The following LEPR variants were observed in gnomAD, a reference collection of about 807,000 sequenced individuals.
LEPR encodes the protein leptin receptor, also known as OB receptor.
LEPR carries 56 observed loss-of-function variants against 114.7 expected under a neutral mutation model. The ratio of observed to expected loss-of-function variants is 0.49; its 90% confidence interval spans 0.39 to 0.61. The LOEUF (loss-of-function observed/expected upper bound fraction) is 0.61, where lower values mean the gene tolerates loss of function less well. Ranked by LOEUF, LEPR falls within the 20% of genes least tolerant of loss-of-function variation. LEPR has a pLI of 0.00. For missense variants in LEPR, 1,202 were observed against 1,352.9 expected (o/e 0.89, Z 1.75); for synonymous variants, 443 against 461.4 (o/e 0.96, Z 0.51).
intron 2 of LEPR, among the ~76,000 whole-genome samples, chr1:65,490,278 G>A (rs1348339677): frequency 2.6e-5 from 4 of 152,050 alleles, no homozygotes; most frequent in South Asian, 2.1e-4. Context: ...AAAACAGCTT[G>A]CAAAGTAAGA....
intron 2 of LEPR, among the ~76,000 whole-genome samples, chr1:65,488,180 C>CTT (rs1166477256): frequency 1.8e-4 from 3 of 16,592 alleles, no homozygotes. Context: ...TTCTTTCTTT[C>CTT]TTTCTTTCTT....
chr1:65,428,026 T>G (rs1411549759), intron 2 of LEPR: 1 of 155,238 alleles, frequency 6.4e-6, no homozygotes, highest in Non-Finnish European at 1.4e-5. Context: ...CTCATTTGTT[T>G]ATGAATTATC....
chr1:65,483,390 A>G (rs2100459749), intron 2 of LEPR, among the ~76,000 whole-genome samples: 1 of 152,292 alleles, frequency 6.6e-6, no homozygotes, highest in Middle Eastern at 3.4e-3. Context: ...ACCTGATATT[A>G]CAAAAAACTG....
intron 2 of LEPR, among the ~76,000 whole-genome samples, chr1:65,497,973 G>A (rs929697352): frequency 7.2e-5 from 11 of 152,170 alleles, no homozygotes; most frequent in Non-Finnish European, 1.2e-4. Context: ...GCAAGACCTT[G>A]CTTGACATCT....
chr1:65,588,033 C>T (rs908837765), intron 5 of LEPR, among the ~76,000 whole-genome samples: 8 of 151,976 alleles, frequency 5.3e-5, no homozygotes, highest in African/African-American at 1.9e-4. Context: ...CTTTGAAAAA[C>T]AGTGTGGTTT....
At chr1:65,598,623 A>C in intron 7 of LEPR, 37 bp from the exon 8 acceptor site, 1 of 1,610,954 alleles carries the variant, frequency 6.2e-7, no homozygotes, top group Non-Finnish European at 8.5e-7. Flanking sequence ...TTCCACATCA[A>C]CTTGATGTTC....
chr1:65,484,479 G>A (rs1329453636), intron 2 of LEPR, among the ~76,000 whole-genome samples: 1 of 151,938 alleles, frequency 6.6e-6, no homozygotes, highest in Non-Finnish European at 1.5e-5. Context: ...CACGTCCAAG[G>A]TTTTCCTACA....
chr1:65,607,484 G>T (rs1382372429), intron 11 of LEPR, among the ~76,000 whole-genome samples: 1 of 152,218 alleles, frequency 6.6e-6, no homozygotes, highest in Non-Finnish European at 1.5e-5. Context: ...TATTCCTCAG[G>T]AGAGCACCTC....
intron 5 of LEPR, among the ~76,000 whole-genome samples, chr1:65,579,904 A>C (rs1429727216): frequency 1.3e-5 from 2 of 152,222 alleles, no homozygotes; most frequent in African/African-American, 4.8e-5. Flanking sequence ...TCAGCCAAAC[A>C]GTCATTGGTC....
chr1:65,587,288 A>G (rs1655374390), intron 5 of LEPR, among the ~76,000 whole-genome samples: 1 of 152,058 alleles, frequency 6.6e-6, no homozygotes, highest in Admixed American at 6.6e-5. Context: ...TTGTTCACAG[A>G]CTTTTTGTAA....
rs555831088 is a variant in LEPR, at chr1:65,445,914, A to G, written c.-21+20536A>G. On this transcript the variant is annotated intron_variant, in intron 2 of 19. Coordinates refer to ENST00000349533, the MANE Select transcript of LEPR (RefSeq NM_002303.6). ...GATTTAACACAAAACCATTAATATTATGGGGTTCTTTTCAATATTTCTATG... is the reference window on the plus strand; with the variant it reads ...GATTTAACACAAAACCATTAATATTGTGGGGTTCTTTTCAATATTTCTATG... Among the ~76,000 whole-genome samples the G allele has an allele frequency of 1.8e-4, 27 of 152,310 alleles. No homozygotes were observed. In the South Asian group the frequency reaches 5.6e-3, roughly 32 times the overall value.
intron 2 of LEPR, among the ~76,000 whole-genome samples, chr1:65,456,954 T>A (rs1646884445): frequency 6.6e-6 from 1 of 152,244 alleles, no homozygotes; most frequent in Admixed American, 6.5e-5. Flanking sequence ...TTTTCTCTGT[T>A]ATACTTTTTT....
At chr1:65,503,596 G>T (rs2100530920) in intron 2 of LEPR, among the ~76,000 whole-genome samples, 1 of 152,270 alleles carries the variant, frequency 6.6e-6, no homozygotes, top group Middle Eastern at 3.4e-3. Context: ...TAAATGGAAT[G>T]TGGATAGCAG....
chr1:65,557,346 C>G (rs1024646172), intron 2 of LEPR, among the ~76,000 whole-genome samples: 1 of 152,060 alleles, frequency 6.6e-6, no homozygotes, highest in African/African-American at 2.4e-5. Flanking sequence ...GTGTATTAGG[C>G]TTATTTTGGT....
chr1:65,625,484 G>A (rs934995923), intron 19 of LEPR, among the ~76,000 whole-genome samples: 10 of 152,168 alleles, frequency 6.6e-5, no homozygotes, highest in African/African-American at 1.9e-4. Flanking sequence ...CATGGAAATA[G>A]CATTACTTTT....
At chr1:65,435,594 C>T (rs1056123660) in intron 2 of LEPR, 60 of 641,338 alleles carry the variant, frequency 9.4e-5, no homozygotes, top group Non-Finnish European at 1.1e-4. Flanking sequence ...GTCTCGATCT[C>T]CTGACCTCAT....
chr1:65,438,113 CTTTTTTTT>C (rs36053447), intron 2 of LEPR, among the ~76,000 whole-genome samples: 3 of 87,776 alleles, frequency 3.4e-5, no homozygotes, highest in Non-Finnish European at 6.2e-5. Flanking sequence ...TCCTAGCCGC[CTTTTTTTT>C]TTTTTTTTTT....
At chr1:65,592,516 G>A (rs1362497347) in intron 5 of LEPR, 141 bp from the exon 6 acceptor site, 3 of 743,876 alleles carry the variant, frequency 4.0e-6, no homozygotes, top group South Asian at 3.8e-5. Flanking sequence ...TTTTTCTAAT[G>A]TAGGGTTTTT....
At chr1:65,540,743 C>T (rs936616860) in intron 2 of LEPR, among the ~76,000 whole-genome samples, 3 of 152,298 alleles carry the variant, frequency 2.0e-5, no homozygotes, top group African/African-American at 4.8e-5. Context: ...TGCTGCTGAT[C>T]GCTCTCTCAT....
Sources: allele counts gnomAD v4.1 joint callset (sites outside exome capture counted in the v4.1 genomes callset), GRCh38; gene constraint gnomAD v4.1.1; transcripts MANE v1.5; gene names NCBI Gene and HGNC (gene_info 2026-07-23, HGNC 2026-07-21).